The following DDAH1 variants were observed in gnomAD, a reference collection of about 807,000 sequenced individuals.
DDAH1 encodes the protein dimethylarginine dimethylaminohydrolase 1.
Under a neutral mutation model 28.8 loss-of-function variants are expected in DDAH1, and 19 were observed. The ratio of observed to expected loss-of-function variants is 0.66; its 90% CI spans 0.46 to 0.97. The LOEUF (loss-of-function observed/expected upper bound fraction) is 0.97. Ranked by LOEUF, DDAH1 falls within the 50% of genes least tolerant of loss-of-function variation. DDAH1 has a pLI of 0.00. For missense variants in DDAH1, 326 were observed against 375.9 expected, an observed-to-expected ratio of 0.87 and a Z score of 1.10; for synonymous variants, 153 against 154.4, an observed-to-expected ratio of 0.99 and a Z score of 0.07.
chr1:85,464,890 G>T lies in DDAH1; in HGVS notation c.156C>A (p.Gly52=), dbSNP rs750881926. ...GCAGCCCCAGCTTGCTGCCCAGCAC[G>T]CCCACGTAGAGCTGGTGCTGCCGTT... ...RAERQHQLYV[G]VLGSKLGLQV... The change falls in exon 1 of 6, where the codon GGC becomes GGA. Residue 52 remains glycine (G), a synonymous_variant. Transcript: ENST00000284031. The surrounding 1 kb of genome is among the most constrained non-coding windows in gnomAD (Gnocchi z 4.4). 13 of 1,576,430 alleles carry T rather than the reference G, an allele frequency of 8.2e-6. No homozygotes were observed. The highest frequency in any genetic ancestry group is 1.1e-5 in the Non-Finnish European group (13 of 1,171,300).
Position 85,573,512 on chromosome 1 carries a change from G to A in DDAH1, c.-123+4472C>T, listed in dbSNP as rs116789011. Among the ~76,000 whole-genome samples, 626 of 152,290 alleles carry A rather than the reference G, an allele frequency of 4.1e-3. 10 individuals are homozygous for A. Among genetic ancestry groups the A allele is most frequent in the African/African-American group, 0.013 (560 of 41,534 alleles). ...CAGTCCTTTCCAATAAAATGTTTCT[G>A]TGTTATCACAAAACAAGAAGTTCTG... is the stretch of plus-strand genomic sequence containing the variant. On this transcript the variant is annotated intron_variant, in intron 1 of 6. Transcript: ENST00000426972.
intron 1 of DDAH1, among the ~76,000 whole-genome samples, chr1:85,408,355 C>T (rs1652504892): frequency 6.6e-6 from 1 of 151,730 alleles, no homozygotes; most frequent in South Asian, 2.1e-4. Flanking sequence ...TTCTCTGCTC[C>T]ACCCCAGAGG....
intron 1 of DDAH1, among the ~76,000 whole-genome samples, chr1:85,519,129 T>C (rs1657579688): frequency 1.4e-5 from 2 of 138,518 alleles, no homozygotes; most frequent in African/African-American, 5.4e-5. Context: ...AGTCTTGCTC[T>C]GTCGCCCAGG....
At chr1:85,479,669 T>C (rs1004018502) in intron 2 of DDAH1, among the ~76,000 whole-genome samples, 26 of 152,182 alleles carry the variant, frequency 1.7e-4, no homozygotes, top group African/African-American at 6.3e-4. Context: ...GTTCCAGATG[T>C]TATGGTAACA....
intron 1 of DDAH1, chr1:85,447,737 T>G (rs1654499786): frequency 6.6e-6 from 1 of 152,230 alleles, no homozygotes; most frequent in African/African-American, 2.4e-5. Context: ...CAGTCTGAAT[T>G]ATGCAAAATG....
chr1:85,490,256 C>T (rs937448806), intron 2 of DDAH1, among the ~76,000 whole-genome samples: 3 of 152,126 alleles, frequency 2.0e-5, no homozygotes, highest in African/African-American at 7.2e-5. Context: ...AGATTCATGA[C>T]TAAAAGACCT....
At chr1:85,454,876 C>CA (rs1557650187) in intron 1 of DDAH1, among the ~76,000 whole-genome samples, 2 of 152,090 alleles carry the variant, frequency 1.3e-5, no homozygotes, top group South Asian at 4.1e-4. Flanking sequence ...TGGGAAGACT[C>CA]AGAGATTAGG....
chr1:85,467,052 G>A (rs1054544235), upstream of DDAH1, among the ~76,000 whole-genome samples: 3 of 151,676 alleles, frequency 2.0e-5, no homozygotes, highest in African/African-American at 7.3e-5. Flanking sequence ...GGTCAGGCTA[G>A]TCTCAAACTC....
At chr1:85,411,355 C>G (rs1315406542) in intron 1 of DDAH1, among the ~76,000 whole-genome samples, 3 of 152,142 alleles carry the variant, frequency 2.0e-5, no homozygotes, top group East Asian at 3.9e-4. Context: ...TCAAGTAGGT[C>G]AAACAGAGGA....
chr1:85,452,110 T>C (rs2100672040), intron 1 of DDAH1, among the ~76,000 whole-genome samples: 2 of 152,308 alleles, frequency 1.3e-5, no homozygotes, highest in Non-Finnish European at 2.9e-5. Flanking sequence ...TGCCTTTGGA[T>C]GAATGGCTTT....
At chr1:85,500,446 T>C (rs1196574602) in intron 1 of DDAH1, among the ~76,000 whole-genome samples, 1 of 152,120 alleles carries the variant, frequency 6.6e-6, no homozygotes, top group Non-Finnish European at 1.5e-5. Context: ...TTCCCCTGGG[T>C]CTTGCGCAGA....
At chr1:85,552,786 T>G (rs1272189839) in intron 1 of DDAH1, among the ~76,000 whole-genome samples, 1 of 152,144 alleles carries the variant, frequency 6.6e-6, no homozygotes, top group African/African-American at 2.4e-5. Context: ...GAACAGTAAG[T>G]AAGTAAAACA....
At chr1:85,429,983 T>C (rs1653595175) in intron 1 of DDAH1, among the ~76,000 whole-genome samples, 4 of 152,222 alleles carry the variant, frequency 2.6e-5, no homozygotes, top group Admixed American at 2.6e-4. Flanking sequence ...GTAGTTTCTT[T>C]TGCTGTGCAG....
intron 1 of DDAH1, among the ~76,000 whole-genome samples, chr1:85,433,661 A>G (rs1386158558): frequency 6.6e-6 from 1 of 152,190 alleles, no homozygotes; most frequent in East Asian, 1.9e-4. Flanking sequence ...GTATTTTTCT[A>G]TTCCTTCATA....
chr1:85,431,825 G>T (rs1653699630), intron 1 of DDAH1, among the ~76,000 whole-genome samples: 1 of 152,170 alleles, frequency 6.6e-6, no homozygotes. Context: ...CAAGCTAGGT[G>T]AGGTGAATGA....
intron 4 of DDAH1, among the ~76,000 whole-genome samples, chr1:85,329,324 C>A (rs1647620269): frequency 6.6e-6 from 1 of 152,180 alleles, no homozygotes. Context: ...TCTGCCCTAT[C>A]CCCCAACCTC....
chr1:85,551,242 G>T (rs1038774745), intron 1 of DDAH1, among the ~76,000 whole-genome samples: 1 of 152,222 alleles, frequency 6.6e-6, no homozygotes, highest in Non-Finnish European at 1.5e-5. Flanking sequence ...GGTTTTAATA[G>T]TTGCTGGGGT....
chr1:85,544,986 G>T (rs1442942380), intron 1 of DDAH1, among the ~76,000 whole-genome samples: 2 of 152,122 alleles, frequency 1.3e-5, no homozygotes, highest in Non-Finnish European at 2.9e-5. Flanking sequence ...ATTTAAAAGT[G>T]GGGGGTTGGA....
At chr1:85,438,703 C>G (rs1224288810) in intron 1 of DDAH1, among the ~76,000 whole-genome samples, 4 of 152,186 alleles carry the variant, frequency 2.6e-5, no homozygotes. Flanking sequence ...TAACCCACTA[C>G]GTTTTGGAAT....
Sources: gnomAD v4.1 joint callset for allele counts (sites outside exome capture counted in the v4.1 genomes callset) on GRCh38, gnomAD v4.1.1 for gene constraint, Gnocchi (gnomAD v3.1) non-coding constraint, MANE v1.5 for transcripts, NCBI Gene and HGNC (gene_info 2026-07-23, HGNC 2026-07-21) for gene names.